The following PRPS2 variants were observed in gnomAD, a reference collection of about 807,000 sequenced individuals.
PRPS2 encodes the protein ribose-phosphate pyrophosphokinase 2.
For synonymous variants in PRPS2, 111 were observed against 115.3 expected (o/e 0.96, Z 0.24); for missense variants, 104 against 271.5 (o/e 0.38, Z 4.34).
intron 4 of PRPS2, among the ~76,000 whole-genome samples, chrX:12,816,195 T>C (rs182301844): frequency 1.8e-5 from 2 of 111,723 alleles, no homozygotes; most frequent in Admixed American, 9.5e-5. Flanking sequence ...TCAAGGACGT[T>C]GATGTCTTAT....
intron 4 of PRPS2, among the ~76,000 whole-genome samples, chrX:12,818,625 G>A (rs994239369): frequency 9.0e-6 from 1 of 111,344 alleles, no homozygotes; most frequent in African/African-American, 3.3e-5. Context: ...GTCTTAAGTT[G>A]GGCCATGTGT....
intron 4 of PRPS2, chrX:12,810,489 A>G (rs1379123110): frequency 4.3e-6 from 1 of 235,276 alleles, no homozygotes; most frequent in African/African-American, 2.8e-5. Context: ...TTTAATTAAC[A>G]GCACTTGGAA....
At position 12,820,715 on chromosome X, in the gene PRPS2, C is replaced by T; in HGVS notation, c.776C>T (p.Ser259Phe). 8 of 1,211,500 alleles carry T rather than the reference C, an allele frequency of 6.6e-6. No individual in the cohort carries two copies. Among genetic ancestry groups the T allele is most frequent in the Non-Finnish European group, 8.9e-6 (8 of 895,429 alleles). Reference protein sequence around the residue: ...THGIFSGPAISRINNAAFEAV... With the variant: ...THGIFSGPAIFRINNAAFEAV... ...GGGATCTTCTCTGGACCAGCTATTT[C>T]CAGAATAAATAATGCCGCCTTTGAG... Residue 259 changes from serine to phenylalanine, a missense_variant, in exon 6 of 7, where the codon TCC (serine) becomes TTC (phenylalanine). By Grantham distance (155) the Ser-to-Phe change is radical. Coordinates refer to ENST00000380668, the MANE Select transcript of PRPS2 (RefSeq NM_002765.5).
At chrX:12,805,355 C>T (rs746721636) in intron 2 of PRPS2, among the ~76,000 whole-genome samples, 1 of 111,838 alleles carries the variant, frequency 8.9e-6, no homozygotes, top group African/African-American at 3.3e-5. Flanking sequence ...AAATTAAGTA[C>T]GACACTAGCT....
At chrX:12,799,882 A>G (rs1048825203) in intron 2 of PRPS2, among the ~76,000 whole-genome samples, 1 of 111,847 alleles carries the variant, frequency 8.9e-6, no homozygotes, top group Admixed American at 9.5e-5. Flanking sequence ...CCCGAAATAA[A>G]AAGTTTAATT....
At chrX:12,809,689 T>C (rs2042613169) in intron 3 of PRPS2, among the ~76,000 whole-genome samples, 1 of 112,197 alleles carries the variant, frequency 8.9e-6, no homozygotes, top group Non-Finnish European at 1.9e-5. Context: ...TGTTATATAA[T>C]GAACGTGAAG....
chrX:12,822,474 C>T (rs1022630218), intron 6 of PRPS2, among the ~76,000 whole-genome samples: 2 of 112,327 alleles, frequency 1.8e-5, no homozygotes, highest in Non-Finnish European at 3.8e-5. Context: ...TCTGTCTCTG[C>T]ATTGAAAATC....
chrX:12,802,745 TTTTC>T (rs2042576523), intron 2 of PRPS2, among the ~76,000 whole-genome samples: 1 of 113,068 alleles, frequency 8.8e-6, no homozygotes, highest in African/African-American at 3.2e-5. Flanking sequence ...AACATATTTC[TTTTC>T]TTTCTTCTAC....
chrX:12,793,410 T>C (rs2042529197), intron 1 of PRPS2, among the ~76,000 whole-genome samples: 1 of 112,949 alleles, frequency 8.9e-6, no homozygotes, highest in Non-Finnish European at 1.9e-5. Flanking sequence ...GGTTCAAATA[T>C]AAAGCAGACT....
chrX:12,805,501 G>A lies in PRPS2; in HGVS notation c.307-3733G>A, dbSNP rs566409126. On this transcript the variant is annotated intron_variant, in intron 2 of 6. Coordinates refer to ENST00000380668, the MANE Select transcript of PRPS2 (RefSeq NM_002765.5). ...AGCAGCTCCACTCTGCCATTTTAGT[G>A]TGAAAGCAGCCATTAGTCAATGTGT... 6.3e-4 allele frequency among the ~76,000 whole-genome samples: 71 copies of A among 112,262 alleles called. No individual in the cohort carries two copies. In the South Asian group the frequency reaches 7.4e-3, roughly 12 times the overall value.
chrX:12,814,457 G>A (rs908218562), intron 4 of PRPS2, among the ~76,000 whole-genome samples: 2 of 112,478 alleles, frequency 1.8e-5, no homozygotes, highest in African/African-American at 6.5e-5. Flanking sequence ...AGCCTTGCGG[G>A]TAATACATGA....
At chrX:12,819,949 A>G (rs1354268818) in intron 5 of PRPS2, among the ~76,000 whole-genome samples, 1 of 112,272 alleles carries the variant, frequency 8.9e-6, no homozygotes, top group Admixed American at 9.4e-5. Context: ...ACGACAGGAA[A>G]GATGGTTTTT....
At chrX:12,813,388 G>A (rs1018058526) in intron 4 of PRPS2, among the ~76,000 whole-genome samples, 12 of 112,180 alleles carry the variant, frequency 1.1e-4, no homozygotes, top group South Asian at 3.7e-4. Context: ...AAGCAATATC[G>A]TTGCTTTGAC....
chrX:12,799,715 G>C (rs2042560275), intron 2 of PRPS2, among the ~76,000 whole-genome samples: 1 of 111,673 alleles, frequency 9.0e-6, no homozygotes, highest in African/African-American at 3.3e-5. Context: ...AGTCAAACTA[G>C]AGCACATCTG....
intron 4 of PRPS2, among the ~76,000 whole-genome samples, chrX:12,811,203 A>G (rs1408390509): frequency 8.9e-6 from 1 of 112,516 alleles, no homozygotes; most frequent in African/African-American, 3.2e-5. Flanking sequence ...CAGGCAGCCA[A>G]TACTTGGGGA....
chrX:12,799,410 T>C lies in PRPS2; in HGVS notation c.306+20T>C, dbSNP rs927620295. The C allele has an allele frequency of 8.4e-7, 1 of 1,187,016 alleles. No homozygotes were observed. The highest frequency in any genetic ancestry group is 1.1e-6 in the Non-Finnish European group (1 of 879,678). On this transcript the variant is annotated intron_variant, in intron 2 of 6. Transcript: ENST00000380668. ...GACAAGGTAGGAGAGGTGTGTGCCC[T>C]AGAAACCTGCTGTGGGCCACTGTCA...
chrX:12,819,912 AAG>A (rs1407315528), intron 5 of PRPS2, among the ~76,000 whole-genome samples: 1 of 112,549 alleles, frequency 8.9e-6, no homozygotes, highest in Non-Finnish European at 1.9e-5. Flanking sequence ...AAAAAGGTCA[AAG>A]AAGGTGCTTC....
At chrX:12,795,291 G>A (rs1367085092) in intron 1 of PRPS2, among the ~76,000 whole-genome samples, 3 of 111,536 alleles carry the variant, frequency 2.7e-5, no homozygotes, top group African/African-American at 6.5e-5. Context: ...CAAAGGATTA[G>A]GATGTAGACA....
At chrX:12,821,456 G>A (rs987422654) in intron 6 of PRPS2, among the ~76,000 whole-genome samples, 3 of 109,688 alleles carry the variant, frequency 2.7e-5, no homozygotes, top group African/African-American at 1.0e-4. Flanking sequence ...GGGGGTGGGG[G>A]GGGCAGTGGG....
Sources: gnomAD v4.1 joint callset for allele counts (sites outside exome capture counted in the v4.1 genomes callset) on GRCh38, gnomAD v4.1.1 for gene constraint, MANE v1.5 for transcripts, NCBI Gene and HGNC (gene_info 2026-07-23, HGNC 2026-07-21) for gene names.